The following BPHL variants were observed in gnomAD, a reference collection of about 807,000 sequenced individuals.
BPHL encodes serine hydrolase BPHL.
In BPHL, 27 loss-of-function variants were observed where a neutral mutation model predicts 31.2. The observed-to-expected ratio is 0.87, with a 90% CI of 0.64 to 1.19. The LOEUF is 1.19. BPHL is among the 50% of genes most tolerant of loss of function. The pLI is 0.00. For synonymous variants in BPHL, 150 were observed against 146.8 expected (o/e 1.02, Z -0.16); for missense variants, 356 against 375.7 (o/e 0.95, Z 0.43).
intron 4 of BPHL, 107 bp from the exon 5 acceptor site, chr6:3,137,255 C>T (rs980652536): frequency 2.6e-5 from 36 of 1,396,640 alleles, no homozygotes; most frequent in Non-Finnish European, 3.2e-5. Flanking sequence ...TCCAGGCAGA[C>T]GAGACAGTGA....
rs1033791589 is a variant in BPHL, at chr6:3,143,410, T to A, written c.788+2901T>A. On this transcript the variant is annotated intron_variant, in intron 6 of 6. Transcript: ENST00000380379. ...TTATGTTAATTTGTCTCTTTCTCTCTTCTCTCTTTGTGGTAGAAGAAAAAT... is the reference window on the plus strand; with the variant it reads ...TTATGTTAATTTGTCTCTTTCTCTCATCTCTCTTTGTGGTAGAAGAAAAAT... 5.3e-5 allele frequency among the ~76,000 whole-genome samples: 8 copies of A among 152,320 alleles called. 1 individual carries two copies. The highest frequency in any genetic ancestry group is 3.4e-3 in the Middle Eastern group (1 of 294).
rs1220188086 is a variant in BPHL at position 3,118,729 on chromosome 6, C to A, written c.-12C>A. 3 of 1,258,100 alleles carry A rather than the reference C, an allele frequency of 2.4e-6. No individual in the cohort carries two copies. Among genetic ancestry groups the A allele is most frequent in the Non-Finnish European group, 3.0e-6 (3 of 997,484 alleles). The allele number at this position is 1,258,100 out of a possible 1,614,324, so 77.9% of individuals were successfully genotyped here. Reference sequence around the variant, plus strand: ...CGCATGCGCACTCCCGGCAGCTACGCGACCTGTGACCATGGTGGCTGTGCT... The same window carrying A: ...CGCATGCGCACTCCCGGCAGCTACGAGACCTGTGACCATGGTGGCTGTGCT... On this transcript the variant is annotated 5_prime_UTR_variant, in exon 1 of 7. Coordinates refer to ENST00000380379, the MANE Select transcript of BPHL (RefSeq NM_004332.4).
chr6:3,148,346 T>C (rs1466660188), intron 6 of BPHL, among the ~76,000 whole-genome samples: 1 of 152,180 alleles, frequency 6.6e-6, no homozygotes, highest in Non-Finnish European at 1.5e-5. Flanking sequence ...TGGCCACCAG[T>C]GGTAAGATGG....
chr6:3,118,997 A>C (rs1040215856), intron 1 of BPHL, 150 bp downstream of exon 1: 2 of 701,796 alleles, frequency 2.8e-6, no homozygotes, highest in Admixed American at 8.2e-5. Flanking sequence ...GTGCCGCGAG[A>C]CCCCGATCCT....
In BPHL at chr6:3,118,756, G is replaced by A; in HGVS notation, c.16G>A (p.Gly6Ser). Residue 6 changes from glycine to serine, a missense_variant, in exon 1 of 7, where the codon GGC becomes AGC. Transcript: ENST00000380379. ...ACCTGTGACCATGGTGGCTGTGCTG[G>A]GCGGCCGGGGCGTGTTGCGCCTGCG... MVAVL[G>S]GRGVLRLRLL... The A allele has an allele frequency of 2.4e-6, 3 of 1,259,020 alleles. No individual in the cohort carries two copies. The allele number at this position is 1,259,020 out of a possible 1,614,324, so 78.0% of individuals were successfully genotyped here.
At chr6:3,144,290 A>G (rs149758230) in intron 6 of BPHL, among the ~76,000 whole-genome samples, 7,881 of 151,032 alleles carry the variant, frequency 0.052, 680 homozygotes, top group African/African-American at 0.18. Flanking sequence ...GATGGTCTCA[A>G]TCTCCTGACC....
chr6:3,119,417 T>G (rs1213974272), intron 1 of BPHL: 2 of 1,610,996 alleles, frequency 1.2e-6, no homozygotes, highest in Admixed American at 3.3e-5. Flanking sequence ...TTCAGAATCC[T>G]GGGCCTCACT....
chr6:3,120,331 G>A (rs1417057275), intron 1 of BPHL, among the ~76,000 whole-genome samples: 1 of 151,960 alleles, frequency 6.6e-6, no homozygotes, highest in Non-Finnish European at 1.5e-5. Context: ...CACCGCTCTC[G>A]GCCTACCAGT....
chr6:3,135,100 A>G (rs1194322700), intron 4 of BPHL, among the ~76,000 whole-genome samples: 2 of 152,168 alleles, frequency 1.3e-5, no homozygotes, highest in Non-Finnish European at 2.9e-5. Flanking sequence ...ATCCACCAAC[A>G]TGTTTGCCCA....
At chr6:3,146,725 TGAGTGCTGGTTTGGGTCG>T (rs1393050950) in intron 6 of BPHL, among the ~76,000 whole-genome samples, 58 of 96,402 alleles carry the variant, frequency 6.0e-4, no homozygotes, top group Middle Eastern at 0.015. Flanking sequence ...TGGTTTGGGT[TGAGTGCTGGTTTGGGTCG>T]GAGTGCTGGT....
At chr6:3,118,901 C>T in intron 1 of BPHL, 54 bp downstream of exon 1, 2 of 1,209,038 alleles carry the variant, frequency 1.7e-6, no homozygotes, top group South Asian at 4.1e-5. Flanking sequence ...GCTCGAGGGG[C>T]GGCGGGAGGG....
At chr6:3,129,556 C>T (rs981578688) in intron 4 of BPHL, among the ~76,000 whole-genome samples, 2 of 152,052 alleles carry the variant, frequency 1.3e-5, no homozygotes, top group African/African-American at 4.8e-5. Context: ...TGCCTGTAAT[C>T]CCAGCACTTT....
intron 1 of BPHL, among the ~76,000 whole-genome samples, chr6:3,120,171 A>T (rs1202143719): frequency 6.6e-6 from 1 of 152,022 alleles, no homozygotes; most frequent in Non-Finnish European, 1.5e-5. Flanking sequence ...AGTAGCTGGG[A>T]TTACAGGTAC....
chr6:3,135,569 T>C (rs1761996002), intron 4 of BPHL, among the ~76,000 whole-genome samples: 1 of 152,250 alleles, frequency 6.6e-6, no homozygotes, highest in South Asian at 2.1e-4. Context: ...TCCCACCCAT[T>C]ATTTCTTCAA....
intron 4 of BPHL, among the ~76,000 whole-genome samples, chr6:3,131,110 C>A (rs1761856686): frequency 6.6e-6 from 1 of 152,146 alleles, no homozygotes; most frequent in African/African-American, 2.4e-5. Context: ...AGAAAGTTGC[C>A]ACTCCTACCT....
At chr6:3,134,337 A>G (rs1321874285) in intron 4 of BPHL, among the ~76,000 whole-genome samples, 2 of 151,782 alleles carry the variant, frequency 1.3e-5, no homozygotes, top group Non-Finnish European at 2.9e-5. Context: ...ACCTCTTCAC[A>G]GTGGGTGGCT....
chr6:3,151,029 G>A (rs929350178), intron 6 of BPHL, among the ~76,000 whole-genome samples: 1 of 152,176 alleles, frequency 6.6e-6, no homozygotes, highest in African/African-American at 2.4e-5. Context: ...GATTCACAGC[G>A]AGGTTCTCCT....
Position 3,118,716 on chromosome 6 carries a change from C to A in BPHL, c.-25C>A, listed in dbSNP as rs1447608695. ...CGCTTGGTCTTAGCGCATGCGCACTCCCGGCAGCTACGCGACCTGTGACCA... is the reference window on the plus strand; with the variant it reads ...CGCTTGGTCTTAGCGCATGCGCACTACCGGCAGCTACGCGACCTGTGACCA... On this transcript the variant is annotated 5_prime_UTR_variant, in exon 1 of 7. Transcript: ENST00000380379. 2.4e-6 allele frequency: 3 copies of A among 1,255,616 alleles called. No homozygotes were observed. The African/African-American group carries it at 4.6e-5, about 19-fold the overall frequency. The allele number at this position is 1,255,616 out of a possible 1,614,324, so 77.8% of individuals were successfully genotyped here. A position where few individuals can be genotyped will look rare whatever the true frequency, so the allele number is the denominator to read the frequency against.
intron 5 of BPHL, chr6:3,138,080 ATG>A: frequency 1.2e-5 from 12 of 1,015,704 alleles, no homozygotes; most frequent in Non-Finnish European, 1.6e-5. Flanking sequence ...ATGCAATGGC[ATG>A]ATCTCAGCTC....
Sources: allele counts gnomAD v4.1 joint callset (sites outside exome capture counted in the v4.1 genomes callset), GRCh38; gene constraint gnomAD v4.1.1; transcripts MANE v1.5; gene names NCBI Gene and HGNC (gene_info 2026-07-23, HGNC 2026-07-21).